ZNF28: variants seen among roughly 807,000 people sequenced by gnomAD.
The protein encoded by ZNF28 is zinc finger protein KOX24.
ZNF28 carries 5 observed loss-of-function variants against 7.2 expected under a neutral mutation model. That is an observed-to-expected ratio of 0.70 (90% CI 0.36 to 1.46). The LOEUF is 1.46. Among genes scored for constraint, ZNF28 ranks in the 40% most tolerant of loss-of-function variants. The pLI, the probability that ZNF28 is intolerant of heterozygous loss-of-function variation, is 0.03. For missense variants in ZNF28, 879 were observed against 866.6 expected, an observed-to-expected ratio of 1.01 and a Z score of -0.18; for synonymous variants, 288 against 292.4, an observed-to-expected ratio of 0.99 and a Z score of 0.15.
intron 1 of ZNF28, among the ~76,000 whole-genome samples, chr19:52,819,813 C>T (rs1292477479): frequency 7.0e-6 from 1 of 143,626 alleles, no homozygotes; most frequent in Non-Finnish European, 1.5e-5. Flanking sequence ...TGAATTCTTC[C>T]TTACAAGAAA....
intron 2 of ZNF28, among the ~76,000 whole-genome samples, chr19:52,812,315 G>A (rs2063061042): frequency 7.1e-6 from 1 of 141,820 alleles, no homozygotes; most frequent in Admixed American, 6.9e-5. Flanking sequence ...CGGTTTTGTG[G>A]AATAGAAAGG....
intron 2 of ZNF28, among the ~76,000 whole-genome samples, chr19:52,815,543 GT>G: frequency 6.9e-6 from 1 of 145,680 alleles, no homozygotes; most frequent in Non-Finnish European, 1.5e-5. Context: ...AAAAATAACT[GT>G]CTGGGCGTGG....
At chr19:52,819,376 C>T (rs182485504) in intron 1 of ZNF28, among the ~76,000 whole-genome samples, 1 of 139,664 alleles carries the variant, frequency 7.2e-6, no homozygotes, top group East Asian at 2.0e-4. Context: ...GAGTCTACCA[C>T]TCTCTTTCTT....
intron 1 of ZNF28, among the ~76,000 whole-genome samples, chr19:52,819,395 T>A (rs1165792872): frequency 1.2e-5 from 1 of 81,124 alleles, no homozygotes; most frequent in African/African-American, 4.5e-5. Flanking sequence ...TTCCATTCTA[T>A]TGCTTTTTTT....
intron 1 of ZNF28, among the ~76,000 whole-genome samples, chr19:52,820,964 A>T (rs12985019): frequency 6.8e-6 from 1 of 147,836 alleles, no homozygotes; most frequent in African/African-American, 2.5e-5. Context: ...GGAGTAAGAC[A>T]CCTGCATCTC....
In ZNF28 at chr19:52,811,047, G is replaced by A. The variant is rs1247269888; in HGVS notation, c.16-2914C>T. On this transcript the variant is annotated intron_variant, in intron 2 of 3. Coordinates refer to ENST00000457749, the MANE Select transcript of ZNF28 (RefSeq NM_006969.5). ...TGCGATTGCAGGCACGCGCCGCCAC[G>A]CCTGACTGGTTTTCGTTTTTTTTTT... Among the ~76,000 whole-genome samples, 7 of 149,022 alleles carry A rather than the reference G, an allele frequency of 4.7e-5. No homozygotes were observed. The South Asian group carries it at 6.4e-4, about 14-fold the overall frequency.
Position 52,800,874 on chromosome 19 carries a change from C to T in ZNF28, c.971G>A (p.Gly324Glu), listed in dbSNP as rs1216469991. ...ACAAACCTTACATTTGTATGGTTTC[C>T]CTCCAGTATAAATTATCTTATGTGT... ...LETHKIIYTG[G>E]KPYKCKVCDK... The change falls in exon 4 of 4, where the codon GGG (glycine) becomes GAG (glutamate). Residue 324 changes from glycine (G) to glutamate (E), a missense_variant. Transcript: ENST00000457749. 1.2e-6 allele frequency: 2 copies of T among 1,613,200 alleles called. No homozygotes were observed. Among genetic ancestry groups the T allele is most frequent in the Non-Finnish European group, 1.7e-6 (2 of 1,179,706 alleles).
chr19:52,802,299 CA>C (rs1474825544), intron 3 of ZNF28, among the ~76,000 whole-genome samples: 1 of 152,056 alleles, frequency 6.6e-6, no homozygotes, highest in Non-Finnish European at 1.5e-5. Context: ...AAGCCAAAGG[CA>C]AAGGTTGCTG....
intron 1 of ZNF28, among the ~76,000 whole-genome samples, chr19:52,821,011 G>C (rs576680604): frequency 6.6e-6 from 1 of 152,120 alleles, no homozygotes; most frequent in African/African-American, 2.4e-5. Context: ...AGCTGGGCGG[G>C]CAAGAACACC....
intron 2 of ZNF28, 96 bp from the exon 3 acceptor site, chr19:52,808,229 G>C: frequency 6.4e-7 from 1 of 1,550,696 alleles, no homozygotes; most frequent in Admixed American, 2.1e-5. Flanking sequence ...TTTAGTTGTA[G>C]TGAATGTTCT....
Position 52,801,657 on chromosome 19 carries a change from T to G in ZNF28, c.188A>C (p.Gln63Pro). 2.5e-6 allele frequency: 4 copies of G among 1,612,712 alleles called. No individual in the cohort carries two copies. Among genetic ancestry groups the G allele is most frequent in the Non-Finnish European group, 3.4e-6 (4 of 1,179,478 alleles). Reference protein sequence around the residue: ...CMMKTFFSTGQGNTEAFHTGT... With the variant: ...CMMKTFFSTGPGNTEAFHTGT... Reference sequence around the variant, plus strand: ...TGTGTGGAACGCTTCTGTATTGCCTTGCCCTGTTGAGAAGAATGTCTTCAT... The same window carrying G: ...TGTGTGGAACGCTTCTGTATTGCCTGGCCCTGTTGAGAAGAATGTCTTCAT... The change falls in exon 4 of 4, where the codon CAA (glutamine) becomes CCA (proline). Residue 63 changes from glutamine (Q) to proline (P), a missense_variant. Gln to Pro is a moderately conservative substitution (Grantham distance 76, BLOSUM62 -1). Coordinates refer to ENST00000457749, the MANE Select transcript of ZNF28 (RefSeq NM_006969.5).
chr19:52,809,132 TG>T (rs1474182354), intron 2 of ZNF28, among the ~76,000 whole-genome samples: 2 of 152,192 alleles, frequency 1.3e-5, no homozygotes, highest in African/African-American at 4.8e-5. Flanking sequence ...AAAGGACACT[TG>T]GGCAGTTGCG....
rs112424230 is a variant in ZNF28 at position 52,818,006 on chromosome 19, G to A, written c.-48C>T. ...TTCCTCTTCTGGGTTTCTTCCTCAC[G>A]TACCAAGATTCTTTAGAAGTCAATC... On this transcript the variant is annotated 5_prime_UTR_variant, in exon 2 of 4. The change creates a new upstream start codon in the 5' untranslated region. Coordinates refer to ENST00000457749, the MANE Select transcript of ZNF28 (RefSeq NM_006969.5). 60,076 of 1,608,652 alleles carry A rather than the reference G, an allele frequency of 0.037. 1,449 individuals carry two copies. The highest frequency in any genetic ancestry group is 0.11 in the African/African-American group (7,914 of 74,724).
At chr19:52,808,649 A>G (rs1233117952) in intron 2 of ZNF28, among the ~76,000 whole-genome samples, 3 of 151,740 alleles carry the variant, frequency 2.0e-5, no homozygotes, top group African/African-American at 4.8e-5. Flanking sequence ...AAAATTAAAA[A>G]AAAAAACAAA....
rs770064282 is a variant in ZNF28, at chr19:52,817,928, G to A, written c.15+16C>T. ...AAGGAAGGAGACAGAGCAATCCACC[G>A]AGAATACCATCTCACCTGAGGAAGA... On this transcript the variant is annotated intron_variant, in intron 2 of 3. Coordinates refer to ENST00000457749, the MANE Select transcript of ZNF28 (RefSeq NM_006969.5). 14 of 1,609,944 alleles carry A rather than the reference G, an allele frequency of 8.7e-6. No individual in the cohort carries two copies. The highest frequency in any genetic ancestry group is 8.3e-5 in the Admixed American group (5 of 59,962).
intron 3 of ZNF28, among the ~76,000 whole-genome samples, chr19:52,803,570 T>C (rs2062900175): frequency 6.6e-6 from 1 of 152,146 alleles, no homozygotes; most frequent in Non-Finnish European, 1.5e-5. Flanking sequence ...AAGCCAAAAC[T>C]TGTACTTACC....
Position 52,813,559 on chromosome 19 carries a change from TCTC to T in ZNF28, c.15+4382_15+4384del, listed in dbSNP as rs531502861. On this transcript the variant is annotated intron_variant, in intron 2 of 3. Coordinates refer to ENST00000457749, the MANE Select transcript of ZNF28 (RefSeq NM_006969.5). The stretch of plus-strand genomic sequence containing the variant: ...TCGGCTTGTCACCTTCCCTCCGTCT[TCTC>T]CTCACCTTTCACAGTCCCCTCCTGC... Among the ~76,000 whole-genome samples, 40 of 145,390 alleles carry T rather than the reference TCTC, an allele frequency of 2.8e-4. 6 individuals carry two copies. Among genetic ancestry groups the T allele is most frequent in the African/African-American group, 9.7e-4 (36 of 37,296 alleles).
chr19:52,802,567 C>G (rs1415791896), intron 3 of ZNF28, among the ~76,000 whole-genome samples: 3 of 151,886 alleles, frequency 2.0e-5, no homozygotes, highest in African/African-American at 7.3e-5. Flanking sequence ...ATCCCAGCTA[C>G]TTGGGAGGCT....
At chr19:52,803,052 C>T (rs1255595987) in intron 3 of ZNF28, among the ~76,000 whole-genome samples, 1 of 151,606 alleles carries the variant, frequency 6.6e-6, no homozygotes, top group East Asian at 1.9e-4. Flanking sequence ...TGAGCCACCG[C>T]ACACGGCCGA....
Sources: allele counts gnomAD v4.1 joint callset (sites outside exome capture counted in the v4.1 genomes callset), GRCh38; gene constraint gnomAD v4.1.1; transcripts MANE v1.5; gene names NCBI Gene and HGNC (gene_info 2026-07-23, HGNC 2026-07-21).